The following IPCEF1 variants were observed in gnomAD, a reference collection of about 807,000 sequenced individuals.
The protein encoded by IPCEF1 is interactor protein for cytohesin exchange factors 1.
In IPCEF1, 31 loss-of-function variants were observed where a neutral mutation model predicts 50.9. The observed-to-expected ratio is 0.61, with a 90% confidence interval of 0.46 to 0.82. The LOEUF (loss-of-function observed/expected upper bound fraction) is 0.82, where lower values mean the gene tolerates loss of function less well. Ranked by LOEUF, IPCEF1 falls within the 40% of genes least tolerant of loss-of-function variation. The probability of loss-of-function intolerance (pLI) is 0.00; values close to 1 mark genes in which losing one functional copy is unlikely to be tolerated. For missense variants in IPCEF1, 458 were observed against 514.0 expected (o/e 0.89, Z 1.05); for synonymous variants, 181 against 192.0 (o/e 0.94, Z 0.47).
At chr6:154,319,597 T>G (rs957725370) in intron 1 of IPCEF1, among the ~76,000 whole-genome samples, 1 of 152,230 alleles carries the variant, frequency 6.6e-6, no homozygotes, top group Non-Finnish European at 1.5e-5. Flanking sequence ...ATCATTGCTT[T>G]CCAAGCCTAA....
At chr6:154,282,893 A>G (rs1449793557) in intron 2 of IPCEF1, among the ~76,000 whole-genome samples, 1 of 152,202 alleles carries the variant, frequency 6.6e-6, no homozygotes, top group Non-Finnish European at 1.5e-5. Context: ...GAAATGGTGG[A>G]GAAAAGAGAT....
chr6:154,331,370 G>A (rs778959535), intron 1 of IPCEF1, among the ~76,000 whole-genome samples: 12 of 111,996 alleles, frequency 1.1e-4, no homozygotes, highest in African/African-American at 5.3e-4. Context: ...AAGAAAGAAA[G>A]GAAAGAAAGA....
intron 5 of IPCEF1, among the ~76,000 whole-genome samples, chr6:154,241,770 C>T (rs144718227): frequency 1.2e-3 from 182 of 152,226 alleles, no homozygotes; most frequent in African/African-American, 4.0e-3. Flanking sequence ...TCATATTTTT[C>T]GCATGCCAAT....
At chr6:154,238,322 C>G (rs1285308908) in intron 5 of IPCEF1, among the ~76,000 whole-genome samples, 1 of 152,124 alleles carries the variant, frequency 6.6e-6, no homozygotes, top group African/African-American at 2.4e-5. Flanking sequence ...ATGGCGCTGT[C>G]TCGGCTCACT....
Position 154,158,513 on chromosome 6 carries a change from A to G in IPCEF1, c.*1315T>C, listed in dbSNP as rs1432594476. ...AATAGAAAGGATAATCTAAGATGAA[A>G]GTCCTTTGCTGGTTAAAAGAGTGAC... On this transcript the variant is annotated 3_prime_UTR_variant, in exon 12 of 12. Transcript: ENST00000367220. The G allele has an allele frequency of 1.3e-5, 2 of 152,222 alleles. No homozygotes were observed. The highest frequency in any genetic ancestry group is 3.8e-4 in the East Asian group (2 of 5,198). 9.4% of individuals were successfully genotyped at this position (152,222 alleles called of 1,614,324 possible). A position where few individuals can be genotyped will look rare whatever the true frequency, so the allele number is the denominator to read the frequency against.
chr6:154,219,492 C>CTT lies in IPCEF1; in HGVS notation c.392+1764_392+1765insAA, dbSNP rs1322027787. 2.1e-4 allele frequency among the ~76,000 whole-genome samples: 32 copies of CTT among 152,232 alleles called. No homozygotes were observed. In the East Asian group the frequency reaches 6.0e-3, roughly 29 times the overall value. On this transcript the variant is annotated intron_variant, in intron 7 of 11. Coordinates refer to ENST00000367220, the MANE Select transcript of IPCEF1 (RefSeq NM_001130700.2). ...CACCACCATTCAAGACCAGAAAAGA[C>CTT]CATTTGGGATGAACTGAGGCTCAGC...
intron 3 of IPCEF1, among the ~76,000 whole-genome samples, chr6:154,259,047 G>A (rs558526199): frequency 1.3e-5 from 2 of 152,266 alleles, no homozygotes; most frequent in Admixed American, 6.5e-5. Context: ...TCTACTGCTC[G>A]ATTACTCAGA....
intron 5 of IPCEF1, 64 bp downstream of exon 5, chr6:154,246,527 C>T (rs1201163159): frequency 1.3e-6 from 2 of 1,513,358 alleles, no homozygotes; most frequent in Non-Finnish European, 1.8e-6. Flanking sequence ...ATAGGGATCA[C>T]CTGATGCCTT....
intron 9 of IPCEF1, among the ~76,000 whole-genome samples, chr6:154,206,531 T>A (rs1459025211): frequency 1.3e-5 from 2 of 152,164 alleles, no homozygotes; most frequent in African/African-American, 4.8e-5. Context: ...GCTCTGACTT[T>A]AAGAATTTAA....
intron 1 of IPCEF1, among the ~76,000 whole-genome samples, chr6:154,321,636 C>T (rs543369386): frequency 4.7e-4 from 72 of 151,756 alleles, no homozygotes; most frequent in African/African-American, 1.6e-3. Flanking sequence ...AAAAGTTAGC[C>T]GGGTGTGGTG....
intron 1 of IPCEF1, among the ~76,000 whole-genome samples, chr6:154,317,878 G>T (rs190763003): frequency 6.6e-5 from 10 of 152,246 alleles, no homozygotes; most frequent in Admixed American, 2.0e-4. Flanking sequence ...TCCACGCAAA[G>T]ATTTGTCTAT....
intron 1 of IPCEF1, among the ~76,000 whole-genome samples, chr6:154,330,305 G>A (rs997018370): frequency 1.3e-5 from 2 of 149,168 alleles, no homozygotes; most frequent in South Asian, 2.1e-4. Flanking sequence ...GGAGCAACGG[G>A]ACTTCTACAA....
intron 5 of IPCEF1, among the ~76,000 whole-genome samples, chr6:154,229,174 T>C (rs956005517): frequency 2.0e-5 from 3 of 152,204 alleles, no homozygotes; most frequent in African/African-American, 7.2e-5. Context: ...GGATTGTGAG[T>C]ACCTTGAAGG....
intron 10 of IPCEF1, among the ~76,000 whole-genome samples, chr6:154,194,245 C>A (rs893568379): frequency 6.6e-6 from 1 of 151,996 alleles, no homozygotes; most frequent in Non-Finnish European, 1.5e-5. Context: ...ACTAAAAATA[C>A]AAAATTAGCC....
intron 5 of IPCEF1, among the ~76,000 whole-genome samples, chr6:154,240,355 A>G (rs1780481713): frequency 6.6e-6 from 1 of 152,226 alleles, no homozygotes; most frequent in Non-Finnish European, 1.5e-5. Flanking sequence ...ATAATAAGCT[A>G]TGACTAATGT....
chr6:154,178,197 G>A (rs1013010664), intron 10 of IPCEF1, among the ~76,000 whole-genome samples: 3 of 152,132 alleles, frequency 2.0e-5, no homozygotes, highest in African/African-American at 7.2e-5. Flanking sequence ...TAAATGATGA[G>A]TTGATGGCTG....
At chr6:154,275,722 G>C (rs1014986649) in intron 2 of IPCEF1, among the ~76,000 whole-genome samples, 1 of 152,044 alleles carries the variant, frequency 6.6e-6, no homozygotes, top group Admixed American at 6.6e-5. Context: ...ACCAAAGTGA[G>C]CAGCTATACC....
At chr6:154,315,965 T>C (rs1156311918) in intron 1 of IPCEF1, among the ~76,000 whole-genome samples, 1 of 152,128 alleles carries the variant, frequency 6.6e-6, no homozygotes, top group Non-Finnish European at 1.5e-5. Context: ...GTTCAAGTTA[T>C]TCTTGTGCCT....
intron 7 of IPCEF1, among the ~76,000 whole-genome samples, chr6:154,219,987 T>A (rs967095166): frequency 6.9e-5 from 2 of 28,992 alleles, no homozygotes; most frequent in African/African-American, 3.4e-4. Context: ...CTGTAAGGAG[T>A]GTGTGTGTGT....
Sources: allele counts gnomAD v4.1 joint callset (sites outside exome capture counted in the v4.1 genomes callset), GRCh38; gene constraint gnomAD v4.1.1; transcripts MANE v1.5; gene names NCBI Gene and HGNC (gene_info 2026-07-23, HGNC 2026-07-21).